Variants in SEPTIN9 observed in about 807,000 individuals in gnomAD.
SEPTIN9 encodes septin 9.
In SEPTIN9, 13 loss-of-function variants were observed where a neutral mutation model predicts 56.6. The ratio of observed to expected loss-of-function variants is 0.23; its 90% confidence interval spans 0.15 to 0.37. SEPTIN9 has a LOEUF of 0.37. SEPTIN9 is among the 10% of genes least tolerant of loss of function. The pLI is 1.00. For missense variants in SEPTIN9, 650 were observed against 823.1 expected, an observed-to-expected ratio of 0.79 and a Z score of 2.57; for synonymous variants, 332 against 334.1, an observed-to-expected ratio of 0.99 and a Z score of 0.07.
At chr17:77,349,129 C>T (rs777672745) in intron 2 of SEPTIN9, among the ~76,000 whole-genome samples, 3 of 151,966 alleles carry the variant, frequency 2.0e-5, no homozygotes, top group Non-Finnish European at 4.4e-5. Context: ...CAGAGTCTCA[C>T]TCTGTCTCCC....
Position 77,281,548 on chromosome 17 carries a change from T to C in SEPTIN9, c.13T>C (p.Tyr5His). 6.5e-7 allele frequency: 1 copy of C among 1,547,030 alleles called. No individual in the cohort carries two copies. Among genetic ancestry groups the C allele is most frequent in the Non-Finnish European group, 8.7e-7 (1 of 1,146,370 alleles). MKKS[Y>H]SGGTRTSSGR... ...CCACGGAGGCACCATGAAGAAGTCT[T>C]ACTCAGGTGGGCTTCGCGCCCGGGG... Residue 5 changes from tyrosine to histidine, a missense_variant, in exon 1 of 12, where the codon TAC becomes CAC. Tyr to His is a moderately conservative substitution (Grantham distance 83). This residue lies in a region of SEPTIN9 where 317 missense variants were observed against 329.1 expected (regional missense o/e 0.96). Transcript: ENST00000427177.
At chr17:77,339,514 AT>A (rs34622485) in intron 2 of SEPTIN9, among the ~76,000 whole-genome samples, 83,192 of 145,946 alleles carry the variant, frequency 0.57, 24,156 homozygotes, top group Middle Eastern at 0.71. Context: ...GGTCTCAATG[AT>A]TTTTTTTTTT....
At chr17:77,482,883 T>C in intron 4 of SEPTIN9, 1 of 322,338 alleles carries the variant, frequency 3.1e-6, no homozygotes, top group East Asian at 5.7e-5. Context: ...GGCTGGAGTC[T>C]ACAGTGGGCC....
At chr17:77,408,045 G>A (rs141536698) in intron 3 of SEPTIN9, among the ~76,000 whole-genome samples, 242 of 151,902 alleles carry the variant, frequency 1.6e-3, no homozygotes, top group Non-Finnish European at 2.9e-3. Flanking sequence ...CTTATAAGGC[G>A]GGTGCTCAGC....
chr17:77,410,608 G>A (rs1219894060), intron 3 of SEPTIN9, among the ~76,000 whole-genome samples: 1 of 152,218 alleles, frequency 6.6e-6, no homozygotes, highest in Non-Finnish European at 1.5e-5. Context: ...TTCCTCTCTG[G>A]TCCGTTTTCT....
rs2038189153 is a variant in SEPTIN9, at chr17:77,456,084, G to A, written c.722-26060G>A. Among the ~76,000 whole-genome samples the A allele has an allele frequency of 6.6e-6, 1 of 151,944 alleles. No individual in the cohort carries two copies. Among genetic ancestry groups the A allele is most frequent in the South Asian group, 2.1e-4 (1 of 4,800 alleles). ...TTGTGCCTTGTGTGCTGGGGCCGGA[G>A]GAAACACTGCCCGTGGCCGGTGTCA... On this transcript the variant is annotated intron_variant, in intron 3 of 11. Coordinates refer to ENST00000427177, the MANE Select transcript of SEPTIN9 (RefSeq NM_001113491.2). This position sits in a 1 kb window ranked among gnomAD's most constrained non-coding sequence, Gnocchi z 6.0.
intron 10 of SEPTIN9, among the ~76,000 whole-genome samples, chr17:77,495,739 C>T (rs1568124515): frequency 6.6e-6 from 1 of 152,202 alleles, no homozygotes; most frequent in Admixed American, 6.5e-5. Flanking sequence ...CTAGTGTGGA[C>T]ACCGCCCTAC....
At position 77,307,182 on chromosome 17, in the gene SEPTIN9, G is replaced by T. The variant is rs1288121454; in HGVS notation, c.61G>T (p.Asp21Tyr). 9.9e-6 allele frequency: 16 copies of T among 1,613,724 alleles called. No individual in the cohort carries two copies. Among genetic ancestry groups the T allele is most frequent in the Non-Finnish European group, 1.3e-5 (15 of 1,179,864 alleles). ...CAGTGGCCGGCTCCGGAGGCTTGGT[G>T]ACTCCAGTGGCCCAGGTAGGTGGCT... ...TSSGRLRRLG[D>Y]SSGPALKRSF... Residue 21 changes from aspartate (D) to tyrosine (Y), a missense_variant, in exon 2 of 12, where the codon GAC becomes TAC. By Grantham distance (160) the Asp-to-Tyr change is radical (BLOSUM62 -3). Coordinates refer to ENST00000427177, the MANE Select transcript of SEPTIN9 (RefSeq NM_001113491.2).
intron 2 of SEPTIN9, chr17:77,373,287 G>A (rs2034784767): frequency 1.7e-6 from 2 of 1,157,098 alleles, no homozygotes; most frequent in Non-Finnish European, 2.1e-6. Flanking sequence ...GGCGGGGGCG[G>A]GGCGGGGGCG....
chr17:77,370,395 C>T (rs1043217760), intron 2 of SEPTIN9, among the ~76,000 whole-genome samples: 5 of 152,186 alleles, frequency 3.3e-5, no homozygotes, highest in African/African-American at 1.2e-4. Flanking sequence ...TCTTTTCTGT[C>T]TCTTAGAAGG....
At chr17:77,473,974 G>A (rs935093585) in intron 3 of SEPTIN9, among the ~76,000 whole-genome samples, 9 of 152,152 alleles carry the variant, frequency 5.9e-5, no homozygotes, top group Non-Finnish European at 1.2e-4. Flanking sequence ...ACCTCTGCAC[G>A]TGTGTCTAGT....
intron 2 of SEPTIN9, among the ~76,000 whole-genome samples, chr17:77,365,113 G>A (rs1219452361): frequency 6.6e-6 from 1 of 152,180 alleles, no homozygotes; most frequent in Non-Finnish European, 1.5e-5. Flanking sequence ...AAAACCAAGA[G>A]GGCTGATGCC....
chr17:77,438,228 G>A lies in SEPTIN9; in HGVS notation c.721+35525G>A, dbSNP rs1002839424. ...CACTGCACACACTGCCTCACTCTGC[G>A]CTGACAGCCAAGAGGCTGGTTCCCC... On this transcript the variant is annotated intron_variant, in intron 3 of 11. Coordinates refer to ENST00000427177, the MANE Select transcript of SEPTIN9 (RefSeq NM_001113491.2). Among the ~76,000 whole-genome samples the A allele has an allele frequency of 3.3e-5, 5 of 152,320 alleles. No individual in the cohort carries two copies. In the South Asian group the frequency reaches 8.3e-4, roughly 25 times the overall value.
intron 4 of SEPTIN9, among the ~76,000 whole-genome samples, chr17:77,486,521 T>TGTGTGC (rs757455924): frequency 2.1e-3 from 249 of 120,202 alleles, no homozygotes; most frequent in South Asian, 7.6e-3. Context: ...TGTGTGTGTG[T>TGTGTGC]GCGCGCACGC....
chr17:77,307,740 G>A (rs1194678339), intron 2 of SEPTIN9, among the ~76,000 whole-genome samples: 1 of 152,190 alleles, frequency 6.6e-6, no homozygotes, highest in Non-Finnish European at 1.5e-5. Context: ...TAACCAGTAG[G>A]GAAGGGAAAC....
chr17:77,466,106 A>G (rs1364651961), intron 3 of SEPTIN9, among the ~76,000 whole-genome samples: 2 of 139,266 alleles, frequency 1.4e-5, no homozygotes, highest in African/African-American at 2.7e-5. Flanking sequence ...ACACACACAC[A>G]CGAGTAAACT....
intron 2 of SEPTIN9, among the ~76,000 whole-genome samples, chr17:77,321,869 G>C (rs927349102): frequency 6.6e-6 from 1 of 152,250 alleles, no homozygotes; most frequent in Non-Finnish European, 1.5e-5. Flanking sequence ...AGGCCCGCTG[G>C]GACGGGTGGG....
At chr17:77,354,128 T>C (rs2034147581) in intron 2 of SEPTIN9, among the ~76,000 whole-genome samples, 1 of 152,042 alleles carries the variant, frequency 6.6e-6, no homozygotes, top group African/African-American at 2.4e-5. Context: ...TTGTGTCTTA[T>C]TTTTTACTTA....
At chr17:77,390,346 T>A (rs780093840) in intron 2 of SEPTIN9, among the ~76,000 whole-genome samples, 27 of 90,330 alleles carry the variant, frequency 3.0e-4, no homozygotes, top group Admixed American at 4.6e-4. Context: ...GACTCCGTCT[T>A]AAAAAAAAAA....
Sources: gnomAD v4.1 joint callset for allele counts (sites outside exome capture counted in the v4.1 genomes callset) on GRCh38, gnomAD v4.1.1 for gene constraint, gnomAD v4.1.1 regional missense constraint, Gnocchi (gnomAD v3.1) non-coding constraint, MANE v1.5 for transcripts, NCBI Gene and HGNC (gene_info 2026-07-23, HGNC 2026-07-21) for gene names.